The following TMEM132D variants were observed in gnomAD, a reference collection of about 807,000 sequenced individuals.
TMEM132D encodes the protein mature OL transmembrane protein.
A neutral mutation model predicts 62.3 loss-of-function variants in TMEM132D; 21 were observed. The ratio of observed to expected loss-of-function variants is 0.34; its 90% CI spans 0.24 to 0.49. TMEM132D has a LOEUF of 0.49. Ranked by LOEUF, TMEM132D falls within the 20% of genes least tolerant of loss-of-function variation. The pLI is 0.99. For missense variants in TMEM132D, 1,346 were observed against 1,402.8 expected (o/e 0.96, Z 0.65); for synonymous variants, 621 against 575.6 (o/e 1.08, Z -1.13).
rs1440656825 is a variant in TMEM132D, at chr12:129,683,458, T to G, written c.968+16352A>C. 3.3e-5 allele frequency among the ~76,000 whole-genome samples: 5 copies of G among 152,196 alleles called. No homozygotes were observed. The East Asian group carries it at 9.6e-4, about 29-fold the overall frequency. ...ATAGATATTTAATGAGTGCTGGCTATCATTATTGCATTGAGCAATCTCATA... is the reference window on the plus strand; with the variant it reads ...ATAGATATTTAATGAGTGCTGGCTAGCATTATTGCATTGAGCAATCTCATA... On this transcript the variant is annotated intron_variant, in intron 2 of 8. Coordinates refer to ENST00000422113, the MANE Select transcript of TMEM132D (RefSeq NM_133448.3).
At chr12:129,404,339 C>G (rs1871710053) in intron 3 of TMEM132D, among the ~76,000 whole-genome samples, 1 of 152,088 alleles carries the variant, frequency 6.6e-6, no homozygotes. Context: ...GCAGGGACTA[C>G]AGGCACCCAC....
rs140308183 is a variant in TMEM132D, at chr12:129,081,804, G to A, written c.1878C>T (p.Gly626=). ...VEEPRIAKLQ[G]GQILMGQELG... ...GCTCCTGCCCCATCAGGATCTGTCC[G>A]CCTTGCAGCTTGGCGATCCTGGGCT... The change falls in exon 7 of 9, where the codon GGC becomes GGT. Residue 626 remains glycine (G), a synonymous_variant. Coordinates refer to ENST00000422113, the MANE Select transcript of TMEM132D (RefSeq NM_133448.3). The A allele has an allele frequency of 4.0e-5, 64 of 1,611,154 alleles. No homozygotes were observed. The highest frequency in any genetic ancestry group is 2.7e-4 in the African/African-American group (20 of 74,070).
At chr12:129,742,443 A>T (rs1869639462) in intron 1 of TMEM132D, among the ~76,000 whole-genome samples, 1 of 152,146 alleles carries the variant, frequency 6.6e-6, no homozygotes, top group Admixed American at 6.5e-5. Flanking sequence ...ACTCATTAAC[A>T]AGCCAAGCCA....
rs538765254 is a variant in TMEM132D at position 129,670,021 on chromosome 12, G to A, written c.968+29789C>T. ...TCGACTGGAAGAAGCCAGAGCGATC[G>A]GCTGCCTTTTCCCATCTTCACAGCC... On this transcript the variant is annotated intron_variant, in intron 2 of 8. Coordinates refer to ENST00000422113, the MANE Select transcript of TMEM132D (RefSeq NM_133448.3). Among the ~76,000 whole-genome samples, 51 of 152,184 alleles carry A rather than the reference G, an allele frequency of 3.4e-4. No individual in the cohort carries two copies. The South Asian group carries it at 5.4e-3, about 16-fold the overall frequency.
At chr12:129,733,728 C>T (rs1239237516) in intron 1 of TMEM132D, among the ~76,000 whole-genome samples, 2 of 151,968 alleles carry the variant, frequency 1.3e-5, no homozygotes, top group Non-Finnish European at 2.9e-5. Context: ...GAAGACAGGT[C>T]GGGAGGCTGT....
chr12:129,507,637 C>A (rs1875376368), intron 3 of TMEM132D, among the ~76,000 whole-genome samples: 1 of 152,124 alleles, frequency 6.6e-6, no homozygotes, highest in Admixed American at 6.5e-5. Flanking sequence ...TGTTCTCAAT[C>A]ATAAACAGGA....
intron 1 of TMEM132D, among the ~76,000 whole-genome samples, chr12:129,765,479 T>C (rs1421790312): frequency 1.3e-5 from 2 of 151,304 alleles, no homozygotes; most frequent in Non-Finnish European, 2.9e-5. Context: ...GGCAGGAGAA[T>C]CGCTTGAATC....
intron 4 of TMEM132D, among the ~76,000 whole-genome samples, chr12:129,309,442 T>A (rs546684969): frequency 6.6e-6 from 1 of 152,332 alleles, no homozygotes; most frequent in East Asian, 1.9e-4. Flanking sequence ...CTTGAATATA[T>A]GTTGGCCCTT....
At chr12:129,773,767 G>A (rs1025377540) in intron 1 of TMEM132D, among the ~76,000 whole-genome samples, 1 of 152,188 alleles carries the variant, frequency 6.6e-6, no homozygotes, top group African/African-American at 2.4e-5. Context: ...ATTCTTGGTT[G>A]GAAGTAACAT....
intron 3 of TMEM132D, among the ~76,000 whole-genome samples, chr12:129,487,909 C>G: frequency 8.1e-6 from 1 of 123,884 alleles, no homozygotes; most frequent in Non-Finnish European, 1.6e-5. Context: ...TGTACTCCAA[C>G]CTGGGCAACA....
At chr12:129,510,447 G>T (rs1875464882) in intron 3 of TMEM132D, among the ~76,000 whole-genome samples, 1 of 152,022 alleles carries the variant, frequency 6.6e-6, no homozygotes, top group African/African-American at 2.4e-5. Context: ...ATCCTTTGCT[G>T]TGCAGAAGAC....
At chr12:129,424,605 G>A (rs1566064295) in intron 3 of TMEM132D, among the ~76,000 whole-genome samples, 1 of 151,032 alleles carries the variant, frequency 6.6e-6, no homozygotes, top group Non-Finnish European at 1.5e-5. Flanking sequence ...CTACTCGGGA[G>A]GCTGAGGCAG....
intron 4 of TMEM132D, among the ~76,000 whole-genome samples, chr12:129,245,610 G>A (rs182562187): frequency 1.9e-4 from 29 of 151,672 alleles, no homozygotes; most frequent in Admixed American, 1.5e-3. Context: ...TCTGATATCA[G>A]CTGAGACATT....
At chr12:129,405,235 G>A (rs183290493) in intron 3 of TMEM132D, among the ~76,000 whole-genome samples, 157 of 151,886 alleles carry the variant, frequency 1.0e-3, no homozygotes, top group South Asian at 3.1e-3. Flanking sequence ...ACTGGCCTGC[G>A]GACAGGTGCC....
At position 129,700,162 on chromosome 12, in the gene TMEM132D, G is replaced by C. The variant is rs777453627; in HGVS notation, c.616C>G (p.Pro206Ala). 1.2e-6 allele frequency: 2 copies of C among 1,612,924 alleles called. No individual in the cohort carries two copies. The highest frequency in any genetic ancestry group is 1.3e-5 in the African/African-American group (1 of 74,920). ...TTCCTCCTCCCGGCAACCACCGTGG[G>C]GGGGCTGAACCAGCTGGACAGGAGC... ...LELLSSWFSP[P>A]TVVAGRRKSV... Residue 206 changes from proline to alanine, a missense_variant, in exon 2 of 9, where the codon CCC becomes GCC. Physicochemically the swap from Pro to Ala is conservative, Grantham distance 27. Transcript: ENST00000422113.
chr12:129,112,087 T>C (rs1875721193), intron 5 of TMEM132D, among the ~76,000 whole-genome samples: 1 of 152,326 alleles, frequency 6.6e-6, no homozygotes, highest in South Asian at 2.1e-4. Flanking sequence ...CTCTTGGAGA[T>C]TCATGCTAGT....
At chr12:129,621,284 G>C (rs1879059413) in intron 2 of TMEM132D, among the ~76,000 whole-genome samples, 1 of 152,088 alleles carries the variant, frequency 6.6e-6, no homozygotes, top group Admixed American at 6.5e-5. Flanking sequence ...CTCTGTTCCA[G>C]GGGGCCTTCC....
In TMEM132D at chr12:129,700,143, C is replaced by T. The variant is rs2137226215; in HGVS notation, c.635G>A (p.Arg212Lys). Residue 212 changes from arginine (R) to lysine (K), a missense_variant, in exon 2 of 9, where the codon AGG becomes AAG. By Grantham distance (26) the Arg-to-Lys change is conservative. Coordinates refer to ENST00000422113, the MANE Select transcript of TMEM132D (RefSeq NM_133448.3). ...WFSPPTVVAG[R>K]RKSVDQPEGT... ...CTCCGGCTGGTCCACGGACTTCCTCCTCCCGGCAACCACCGTGGGGGGGCT... is the reference window on the plus strand; with the variant it reads ...CTCCGGCTGGTCCACGGACTTCCTCTTCCCGGCAACCACCGTGGGGGGGCT... 6.2e-7 allele frequency: 1 copy of T among 1,613,134 alleles called. No homozygotes were observed. The highest frequency in any genetic ancestry group is 8.5e-7 in the Non-Finnish European group (1 of 1,180,012).
intron 3 of TMEM132D, among the ~76,000 whole-genome samples, chr12:129,523,110 G>A (rs1417398550): frequency 2.0e-5 from 2 of 101,880 alleles, no homozygotes; most frequent in Non-Finnish European, 4.7e-5. Context: ...ACACACGCAC[G>A]TGCACACACA....
Sources: allele counts gnomAD v4.1 joint callset (sites outside exome capture counted in the v4.1 genomes callset), GRCh38; gene constraint gnomAD v4.1.1; transcripts MANE v1.5; gene names NCBI Gene and HGNC (gene_info 2026-07-23, HGNC 2026-07-21).